Variants in STX18 observed in about 807,000 individuals in gnomAD.
STX18 encodes the protein syntaxin 18.
Under a neutral mutation model 50.1 loss-of-function variants are expected in STX18, and 40 were observed. That is an observed-to-expected ratio of 0.80 (90% CI 0.62 to 1.04). The LOEUF is 1.04. Ranked by LOEUF, STX18 falls within the 50% of genes least tolerant of loss-of-function variation. The pLI is 0.00. For missense variants in STX18, 410 were observed against 415.8 expected (o/e 0.99, Z 0.12); for synonymous variants, 158 against 151.8 (o/e 1.04, Z -0.30).
chr4:4,522,360 T>C (rs1038106373), intron 1 of STX18, among the ~76,000 whole-genome samples: 10 of 152,230 alleles, frequency 6.6e-5, no homozygotes, highest in African/African-American at 1.9e-4. Flanking sequence ...TAATAGACTA[T>C]ACAGCCCTCT....
At chr4:4,520,853 T>TA (rs1343928289) in intron 1 of STX18, among the ~76,000 whole-genome samples, 18 of 152,230 alleles carry the variant, frequency 1.2e-4, no homozygotes, top group African/African-American at 4.3e-4. Flanking sequence ...CCTAGTGAAA[T>TA]ATATCTTTCA....
intron 1 of STX18, among the ~76,000 whole-genome samples, chr4:4,506,747 G>A (rs1577384859): frequency 6.6e-6 from 1 of 152,210 alleles, no homozygotes; most frequent in African/African-American, 2.4e-5. Context: ...GGTAGAGTTA[G>A]AGAATAAATG....
chr4:4,456,892 C>T (rs563317886), intron 5 of STX18, among the ~76,000 whole-genome samples: 11 of 152,152 alleles, frequency 7.2e-5, no homozygotes, highest in Admixed American at 1.3e-4. Flanking sequence ...CAAACCCCAG[C>T]TATGCTACCT....
In STX18 at chr4:4,495,563, CTTTTTT is replaced by C. The variant is rs35298335; in HGVS notation, c.169-23863_169-23858del. 3.1e-5 allele frequency among the ~76,000 whole-genome samples: 4 copies of C among 129,980 alleles called. No homozygotes were observed. In the Admixed American group the frequency reaches 3.1e-4, roughly 10 times the overall value. The allele number at this position is 129,980 out of a possible 152,430, so 85.3% of individuals were successfully genotyped here. ...GTGTCTGGCTAATTTTTTTTCTTTT[CTTTTTT>C]TTTTTTTTTTTTTGAGAGACGAGGT... On this transcript the variant is annotated intron_variant, in intron 1 of 10. Transcript: ENST00000306200.
At chr4:4,423,708 G>C in intron 8 of STX18, 121 bp from the exon 9 acceptor site, 3 of 961,600 alleles carry the variant, frequency 3.1e-6, no homozygotes, top group Non-Finnish European at 4.8e-6. Flanking sequence ...GGGGCACACT[G>C]TGTCGGCTGG....
At chr4:4,524,802 T>G (rs1389644633) in intron 1 of STX18, among the ~76,000 whole-genome samples, 2 of 152,254 alleles carry the variant, frequency 1.3e-5, no homozygotes, top group Non-Finnish European at 2.9e-5. Context: ...TGTTGGATTC[T>G]CTGTAACTTA....
chr4:4,499,830 C>A (rs139820100), intron 1 of STX18, among the ~76,000 whole-genome samples: 1 of 151,350 alleles, frequency 6.6e-6, no homozygotes, highest in Non-Finnish European at 1.5e-5. Context: ...AAAGAATGTG[C>A]GTTCAGTGGG....
At chr4:4,441,930 A>C (rs925835664) in intron 5 of STX18, among the ~76,000 whole-genome samples, 2 of 152,246 alleles carry the variant, frequency 1.3e-5, no homozygotes, top group Admixed American at 6.5e-5. Flanking sequence ...CAGGTAAAAG[A>C]AGCAAGTATG....
intron 1 of STX18, among the ~76,000 whole-genome samples, chr4:4,534,754 G>T (rs1731254963): frequency 6.6e-6 from 1 of 152,246 alleles, no homozygotes; most frequent in Non-Finnish European, 1.5e-5. Context: ...TCTCTAAAGG[G>T]TCATACAGTA....
At chr4:4,490,810 T>C (rs1356451036) in intron 1 of STX18, among the ~76,000 whole-genome samples, 1 of 152,184 alleles carries the variant, frequency 6.6e-6, no homozygotes, top group Non-Finnish European at 1.5e-5. Context: ...TCTCTGCAAA[T>C]ACATTTTAGA....
chr4:4,522,905 C>T (rs749245934), intron 1 of STX18, among the ~76,000 whole-genome samples: 46 of 152,160 alleles, frequency 3.0e-4, no homozygotes, highest in Non-Finnish European at 1.8e-4. Context: ...GATTAACTGG[C>T]CAGCAGCTAT....
intron 5 of STX18, among the ~76,000 whole-genome samples, chr4:4,439,706 A>T (rs1464392794): frequency 6.6e-6 from 1 of 152,020 alleles, no homozygotes; most frequent in Non-Finnish European, 1.5e-5. Flanking sequence ...CTGAAAGCAC[A>T]AGTCCTTAAA....
intron 2 of STX18, among the ~76,000 whole-genome samples, chr4:4,467,121 G>A (rs1170368980): frequency 6.6e-6 from 1 of 152,138 alleles, no homozygotes; most frequent in African/African-American, 2.4e-5. Context: ...TTTTATAGCA[G>A]TAATGTTATC....
chr4:4,512,581 C>T (rs1356915293), intron 1 of STX18, among the ~76,000 whole-genome samples: 1 of 152,146 alleles, frequency 6.6e-6, no homozygotes, highest in Non-Finnish European at 1.5e-5. Context: ...TTAACAAGCA[C>T]ACCATAGAGC....
rs1247764871 is a variant in STX18, at chr4:4,419,648, G to A, written c.*386C>T. The A allele has an allele frequency of 5.9e-6, 1 of 170,716 alleles. No homozygotes were observed. The highest frequency in any genetic ancestry group is 1.2e-5 in the Non-Finnish European group (1 of 80,106). The allele number at this position is 170,716 out of a possible 1,614,324, so 10.6% of individuals were successfully genotyped here. On this transcript the variant is annotated 3_prime_UTR_variant, in exon 11 of 11. Coordinates refer to ENST00000306200, the MANE Select transcript of STX18 (RefSeq NM_016930.4). ...ACTATGATCTTCCCTGAAGCTACCG[G>A]GATGGGAAAGGTCAGTGTCTTCCTT...
At chr4:4,488,600 T>C (rs973933418) in intron 1 of STX18, among the ~76,000 whole-genome samples, 1 of 152,218 alleles carries the variant, frequency 6.6e-6, no homozygotes, top group Admixed American at 6.5e-5. Context: ...TCCACCACAC[T>C]GTTCCTCAGT....
chr4:4,491,311 T>C (rs866683725), intron 1 of STX18, among the ~76,000 whole-genome samples: 1 of 152,130 alleles, frequency 6.6e-6, no homozygotes, highest in Non-Finnish European at 1.5e-5. Context: ...ATAAATCTAA[T>C]TTCACTTTTC....
At chr4:4,463,630 A>G (rs1727489866) in intron 2 of STX18, among the ~76,000 whole-genome samples, 1 of 152,250 alleles carries the variant, frequency 6.6e-6, no homozygotes, top group African/African-American at 2.4e-5. Flanking sequence ...AACTTGTCAG[A>G]TACTAAAGAA....
intron 1 of STX18, among the ~76,000 whole-genome samples, chr4:4,515,907 G>A (rs933874619): frequency 6.6e-6 from 1 of 151,918 alleles, no homozygotes; most frequent in Non-Finnish European, 1.5e-5. Context: ...TCCGAAAACA[G>A]CATCTGATTA....
Sources: gnomAD v4.1 joint callset for allele counts (sites outside exome capture counted in the v4.1 genomes callset) on GRCh38, gnomAD v4.1.1 for gene constraint, MANE v1.5 for transcripts, NCBI Gene and HGNC (gene_info 2026-07-23, HGNC 2026-07-21) for gene names.